The following ITGA4 variants were observed in gnomAD, a reference collection of about 807,000 sequenced individuals.
The protein encoded by ITGA4 is integrin alpha-4.
A neutral mutation model predicts 133.6 loss-of-function variants in ITGA4; 63 were observed. That is an observed-to-expected ratio of 0.47 (90% CI 0.38 to 0.58). The LOEUF (loss-of-function observed/expected upper bound fraction) is 0.58. Ranked by LOEUF, ITGA4 falls within the 20% of genes least tolerant of loss-of-function variation. The pLI, the probability that ITGA4 is intolerant of heterozygous loss-of-function variation, is 0.00. For synonymous variants in ITGA4, 483 were observed against 438.0 expected (o/e 1.10, Z -1.28); for missense variants, 1,076 against 1,252.7 (o/e 0.86, Z 2.13).
rs762060073 is a variant in ITGA4 at position 181,538,051 on chromosome 2, T to TC, written c.*2529dup. ...GTGGAACAGTTCATCCTGAAACCAT[T>TC]CCCCCATCCACGGAAAAATTGTCTT... On this transcript the variant is annotated 3_prime_UTR_variant, in exon 28 of 28. Coordinates refer to ENST00000397033, the MANE Select transcript of ITGA4 (RefSeq NM_000885.6). 7.2e-5 allele frequency: 51 copies of TC among 705,030 alleles called. No homozygotes were observed. The African/African-American group carries it at 7.6e-4, about 10-fold the overall frequency. The allele number at this position is 705,030 out of a possible 1,614,324, so 43.7% of individuals were successfully genotyped here.
chr2:181,532,922 G>C (rs1275911075), intron 25 of ITGA4, among the ~76,000 whole-genome samples: 1 of 152,128 alleles, frequency 6.6e-6, no homozygotes, highest in Non-Finnish European at 1.5e-5. Flanking sequence ...TCAACACCTA[G>C]TTTATTGAGA....
intron 15 of ITGA4, among the ~76,000 whole-genome samples, chr2:181,502,018 G>T (rs1686284174): frequency 6.6e-6 from 1 of 152,056 alleles, no homozygotes; most frequent in African/African-American, 2.4e-5. Flanking sequence ...TTGGCAAAAA[G>T]AGGCCCACAG....
In ITGA4 at chr2:181,495,518, C is replaced by CTTTTTTTTT. The variant is rs1686139755; in HGVS notation, c.1385+106_1385+107insTTTTTTTTT. On this transcript the variant is annotated intron_variant, in intron 13 of 27. Coordinates refer to ENST00000397033, the MANE Select transcript of ITGA4 (RefSeq NM_000885.6). The surrounding 1 kb of genome is among the most constrained non-coding windows in gnomAD (Gnocchi z 4.3). ...GCAGTGGTAGTGACCTCATGATGCT[C>CTTTTTTTTT]TTTTGGTATTCTGAAGCTTAATTAT... is the stretch of plus-strand genomic sequence containing the variant. The CTTTTTTTTT allele has an allele frequency of 1.1e-6, 1 of 875,162 alleles. No individual in the cohort carries two copies. Among genetic ancestry groups the CTTTTTTTTT allele is most frequent in the Admixed American group, 1.9e-5 (1 of 52,294 alleles). 54.2% of individuals were successfully genotyped at this position (875,162 alleles called of 1,614,324 possible).
chr2:181,505,970 A>T (rs911690936), intron 15 of ITGA4, among the ~76,000 whole-genome samples: 3 of 152,080 alleles, frequency 2.0e-5, no homozygotes, highest in African/African-American at 7.2e-5. Flanking sequence ...TCACAAGTCG[A>T]TAACTTGGGA....
At chr2:181,503,059 G>A (rs1686313274) in intron 15 of ITGA4, among the ~76,000 whole-genome samples, 1 of 152,012 alleles carries the variant, frequency 6.6e-6, no homozygotes. Flanking sequence ...CAAATTGTTG[G>A]AATCGACTAT....
rs1360196637 is a variant in ITGA4, at chr2:181,485,868, C to T, written c.1042-13C>T. The T allele has an allele frequency of 2.5e-6, 4 of 1,586,626 alleles. No individual in the cohort carries two copies. Among genetic ancestry groups the T allele is most frequent in the Non-Finnish European group, 1.7e-6 (2 of 1,165,978 alleles). On this transcript the variant is annotated splice_polypyrimidine_tract_variant and intron_variant, in intron 9 of 27. Coordinates refer to ENST00000397033, the MANE Select transcript of ITGA4 (RefSeq NM_000885.6). ...GTGTTATAATGACACGTTTTCTCTC[C>T]CTTTCTATCTAGGGAGCAGTAATGA... is the stretch of plus-strand genomic sequence containing the variant.
intron 10 of ITGA4, 119 bp downstream of exon 10, chr2:181,486,111 G>A (rs1685911702): frequency 1.5e-6 from 2 of 1,353,090 alleles, no homozygotes; most frequent in Non-Finnish European, 9.7e-7. Context: ...AGAATGGCAT[G>A]CTAAGTTTTT....
chr2:181,457,717 G>A lies in ITGA4; in HGVS notation c.63G>A (p.Met21Ile). Residue 21 changes from methionine to isoleucine, a missense_variant, in exon 1 of 28, where the codon ATG (methionine) becomes ATA (isoleucine). Around this residue, in one of 4 missense-constraint regions of ITGA4, gnomAD observed 82 missense variants for 68.3 expected, o/e 1.20. Coordinates refer to ENST00000397033, the MANE Select transcript of ITGA4 (RefSeq NM_000885.6). ...PRRAAVRETVMLLLCLGVPTG... is the reference protein window; with the variant it reads ...PRRAAVRETVILLLCLGVPTG... Reference sequence around the variant, plus strand: ...GGGCCGCCGTCCGGGAGACGGTGATGCTGTTGCTGTGCCTGGGGGTCCCGA... The same window carrying A: ...GGGCCGCCGTCCGGGAGACGGTGATACTGTTGCTGTGCCTGGGGGTCCCGA... 1 of 1,612,628 alleles carries A rather than the reference G, an allele frequency of 6.2e-7. No individual in the cohort carries two copies. Among genetic ancestry groups the A allele is most frequent in the Non-Finnish European group, 8.5e-7 (1 of 1,179,684 alleles).
chr2:181,467,004 T>G lies in ITGA4; in HGVS notation c.320-7956T>G, dbSNP rs535512833. Among the ~76,000 whole-genome samples the G allele has an allele frequency of 3.1e-4, 47 of 152,282 alleles. 1 individual carries two copies. In the South Asian group the frequency reaches 4.1e-3, roughly 13 times the overall value. Reference sequence around the variant, plus strand: ...TGTCATGTTCTCATATTTGAATTGATTTTCTCACTTTTAATATATTTTTCC... The same window carrying G: ...TGTCATGTTCTCATATTTGAATTGAGTTTCTCACTTTTAATATATTTTTCC... On this transcript the variant is annotated intron_variant, in intron 2 of 27. Coordinates refer to ENST00000397033, the MANE Select transcript of ITGA4 (RefSeq NM_000885.6).
chr2:181,511,269 TA>T (rs1686501912), intron 16 of ITGA4, among the ~76,000 whole-genome samples: 1 of 152,130 alleles, frequency 6.6e-6, no homozygotes, highest in Non-Finnish European at 1.5e-5. Context: ...TCCATGTAGC[TA>T]ATTTCAATGA....
chr2:181,469,979 G>A (rs530453675), intron 2 of ITGA4, among the ~76,000 whole-genome samples: 1 of 152,078 alleles, frequency 6.6e-6, no homozygotes, highest in South Asian at 2.1e-4. Flanking sequence ...ACGAGTTAAT[G>A]GGTACAGGAC....
chr2:181,523,223 TATAC>T lies in ITGA4; in HGVS notation c.2074-206_2074-203del, dbSNP rs972695288. The T allele has an allele frequency of 1.8e-4, 76 of 417,830 alleles. 1 individual carries two copies. The highest frequency in any genetic ancestry group is 2.8e-4 in the Admixed American group (8 of 28,612). 25.9% of individuals were successfully genotyped at this position (417,830 alleles called of 1,614,324 possible). A position where few individuals can be genotyped will look rare whatever the true frequency, so the allele number is the denominator to read the frequency against. ...ATACACACACATATATACACACATATATACATACATATATATACACATACATATA... is the reference window on the plus strand; with the variant it reads ...ATACACACACATATATACACACATATATACATATATATACACATACATATA... On this transcript the variant is annotated intron_variant, in intron 18 of 27. Coordinates refer to ENST00000397033, the MANE Select transcript of ITGA4 (RefSeq NM_000885.6). This position sits in a 1 kb window ranked among gnomAD's most constrained non-coding sequence, Gnocchi z 4.2.
Position 181,538,338 on chromosome 2 carries a change from T to TTGA in ITGA4, c.*2813_*2815dup. 2.8e-6 allele frequency: 2 copies of TTGA among 723,930 alleles called. No homozygotes were observed. Among genetic ancestry groups the TTGA allele is most frequent in the Admixed American group, 4.4e-5 (2 of 45,958 alleles). The allele number at this position is 723,930 out of a possible 1,614,324, so 44.8% of individuals were successfully genotyped here. ...ACACAATGCCAATGCCAAATACAAA[T>TTGA]TGATAACAAACACAGCATTCCCAAC... On this transcript the variant is annotated 3_prime_UTR_variant, in exon 28 of 28. Transcript: ENST00000397033.
chr2:181,536,488 A>G lies in ITGA4; in HGVS notation c.*961A>G, dbSNP rs1186331813. ...CTATACTTCATATGTATTATGTACT[A>G]TGTAAAATATTGACTATCACACAAC... On this transcript the variant is annotated 3_prime_UTR_variant, in exon 28 of 28. Transcript: ENST00000397033. Among the ~76,000 whole-genome samples the G allele has an allele frequency of 1.3e-5, 2 of 152,122 alleles. No homozygotes were observed. Among genetic ancestry groups the G allele is most frequent in the African/African-American group, 4.8e-5 (2 of 41,442 alleles).
intron 10 of ITGA4, among the ~76,000 whole-genome samples, chr2:181,486,854 G>T (rs1288485455): frequency 1.3e-5 from 2 of 152,188 alleles, no homozygotes; most frequent in African/African-American, 2.4e-5. Context: ...TCTTGATAAG[G>T]CCATTGGCAA....
Position 181,511,736 on chromosome 2 carries a change from C to T in ITGA4, c.1883C>T (p.Ser628Phe). Residue 628 changes from serine to phenylalanine, a missense_variant, in exon 17 of 28, where the codon TCT becomes TTT. Physicochemically the swap from Ser to Phe is radical, Grantham distance 155 (BLOSUM62 -2). This residue lies in a region of ITGA4 where 365 missense variants were observed against 421.4 expected (regional missense o/e 0.87). Coordinates refer to ENST00000397033, the MANE Select transcript of ITGA4 (RefSeq NM_000885.6). ...FARFCAHENC[S>F]ADLQVSAKIG... ...AGGTTTTGTGCCCATGAAAATTGTTCTGCTGATTTACAGGTTTCTGCAAAG... is the reference window on the plus strand; with the variant it reads ...AGGTTTTGTGCCCATGAAAATTGTTTTGCTGATTTACAGGTTTCTGCAAAG... 6.3e-7 allele frequency: 1 copy of T among 1,599,618 alleles called. No homozygotes were observed. The highest frequency in any genetic ancestry group is 1.1e-5 in the South Asian group (1 of 90,668).
At chr2:181,522,051 G>A (rs1686732077) in intron 17 of ITGA4, 140 bp from the exon 18 acceptor site, 3 of 475,644 alleles carry the variant, frequency 6.3e-6, no homozygotes, top group Admixed American at 7.5e-5. Flanking sequence ...CTTGCATAGG[G>A]TCAATCCCAT....
chr2:181,465,501 C>T (rs987819461), intron 2 of ITGA4, among the ~76,000 whole-genome samples: 1 of 151,992 alleles, frequency 6.6e-6, no homozygotes, highest in African/African-American at 2.4e-5. Context: ...AGCATATTTC[C>T]CTGGAGTATT....
At chr2:181,510,136 G>A (rs942580999) in intron 16 of ITGA4, among the ~76,000 whole-genome samples, 1 of 152,040 alleles carries the variant, frequency 6.6e-6, no homozygotes, top group African/African-American at 2.4e-5. Context: ...TAGTTATTCA[G>A]TGTCATCATG....
Sources: gnomAD v4.1 joint callset for allele counts (sites outside exome capture counted in the v4.1 genomes callset) on GRCh38, gnomAD v4.1.1 for gene constraint, gnomAD v4.1.1 regional missense constraint, Gnocchi (gnomAD v3.1) non-coding constraint, MANE v1.5 for transcripts, NCBI Gene and HGNC (gene_info 2026-07-23, HGNC 2026-07-21) for gene names.